The following FMN1 variants were observed in gnomAD, a reference collection of about 807,000 sequenced individuals.
FMN1 encodes the protein formin 1.
Under a neutral mutation model 132.4 loss-of-function variants are expected in FMN1, and 110 were observed. The ratio of observed to expected loss-of-function variants is 0.83; its 90% CI spans 0.71 to 0.97. The LOEUF is 0.97. Among genes scored for constraint, FMN1 ranks in the 50% least tolerant of loss-of-function variants. The probability of loss-of-function intolerance (pLI) is 0.00; values close to 1 mark genes in which losing one functional copy is unlikely to be tolerated. For synonymous variants in FMN1, 722 were observed against 651.7 expected (o/e 1.11, Z -1.64); for missense variants, 1,792 against 1,705.3 (o/e 1.05, Z -0.90).
At chr15:32,835,670 T>C (rs964986339) in intron 17 of FMN1, among the ~76,000 whole-genome samples, 4 of 152,160 alleles carry the variant, frequency 2.6e-5, no homozygotes, top group African/African-American at 9.7e-5. Flanking sequence ...GTTGACAACC[T>C]TTCCTTCTTA....
intron 6 of FMN1, among the ~76,000 whole-genome samples, chr15:33,008,734 A>G (rs146655944): frequency 5.9e-4 from 90 of 152,260 alleles, no homozygotes; most frequent in African/African-American, 2.0e-3. Flanking sequence ...AACCACTAAA[A>G]CTATCATTCT....
At chr15:32,883,884 C>T (rs1020549085) in intron 16 of FMN1, among the ~76,000 whole-genome samples, 2 of 152,048 alleles carry the variant, frequency 1.3e-5, no homozygotes, top group Admixed American at 6.6e-5. Context: ...GCTTTGAATC[C>T]CTAGGATATG....
At chr15:32,862,704 C>T (rs1360760288) in intron 16 of FMN1, among the ~76,000 whole-genome samples, 6 of 152,154 alleles carry the variant, frequency 3.9e-5, no homozygotes, top group East Asian at 1.9e-4. Context: ...AAATCAAATA[C>T]GTTTAATTGC....
Position 33,153,325 on chromosome 15 carries a change from G to C in FMN1, c.1590C>G (p.Ser530Arg). The change falls in exon 4 of 21, where the codon AGC becomes AGG. Residue 530 changes from serine (S) to arginine (R), a missense_variant. Around this residue, in one of 3 missense-constraint regions of FMN1, gnomAD observed 4 missense variants for 17.0 expected, o/e 0.24. Transcript: ENST00000616417. ...VPSPLSPRLP[S>R]PQQHHRILRL... ...GGAGGATCCTGTGATGCTGCTGAGG[G>C]CTGGGGAGCCTTGGAGACAGAGGCG... is the stretch of plus-strand genomic sequence containing the variant. 1 of 1,536,384 alleles carries C rather than the reference G, an allele frequency of 6.5e-7. No individual in the cohort carries two copies. Among genetic ancestry groups the C allele is most frequent in the Non-Finnish European group, 8.7e-7 (1 of 1,146,946 alleles).
chr15:32,774,860 T>A (rs547582479), intron 20 of FMN1, among the ~76,000 whole-genome samples: 1 of 152,202 alleles, frequency 6.6e-6, no homozygotes, highest in Non-Finnish European at 1.5e-5. Flanking sequence ...CGATTTGCCA[T>A]GGATGTTATG....
At chr15:32,889,575 C>T (rs148447247) in intron 15 of FMN1, among the ~76,000 whole-genome samples, 1 of 152,310 alleles carries the variant, frequency 6.6e-6, no homozygotes, top group East Asian at 1.9e-4. Context: ...CAATCTCTTG[C>T]TTCTAGGCCT....
At chr15:32,949,599 A>T (rs937728864) in intron 9 of FMN1, among the ~76,000 whole-genome samples, 18 of 151,960 alleles carry the variant, frequency 1.2e-4, no homozygotes, top group Non-Finnish European at 2.2e-4. Context: ...AACTATAAAA[A>T]CTCTAGAAGA....
chr15:32,999,675 G>A (rs112066797), intron 7 of FMN1, among the ~76,000 whole-genome samples: 28 of 152,248 alleles, frequency 1.8e-4, no homozygotes, highest in African/African-American at 6.7e-4. Flanking sequence ...AAAGATTCCC[G>A]TAAAGGAAAT....
At chr15:32,907,506 T>C (rs140326977) in intron 12 of FMN1, among the ~76,000 whole-genome samples, 10,576 of 152,018 alleles carry the variant, frequency 0.07, 573 homozygotes, top group Middle Eastern at 0.15. Flanking sequence ...GCCTGGTTCC[T>C]AACAGGCCAT....
chr15:33,117,095 T>C (rs917861590), intron 4 of FMN1, among the ~76,000 whole-genome samples: 5 of 152,052 alleles, frequency 3.3e-5, no homozygotes, highest in Admixed American at 3.3e-4. Context: ...TAGCCTCAGA[T>C]CCAGGTAAAT....
chr15:32,906,732 G>A (rs1439574943), intron 12 of FMN1, among the ~76,000 whole-genome samples: 1 of 152,162 alleles, frequency 6.6e-6, no homozygotes, highest in East Asian at 1.9e-4. Context: ...GTTATAATAG[G>A]AAATATGACT....
At chr15:32,949,321 C>G (rs546324532) in intron 9 of FMN1, among the ~76,000 whole-genome samples, 107 of 152,200 alleles carry the variant, frequency 7.0e-4, no homozygotes, top group African/African-American at 2.5e-3. Context: ...ACCAAAAGAG[C>G]ATGGTACTAA....
At chr15:32,819,214 C>T (rs888988373) in intron 17 of FMN1, among the ~76,000 whole-genome samples, 2 of 142,624 alleles carry the variant, frequency 1.4e-5, no homozygotes, top group African/African-American at 4.9e-5. Flanking sequence ...ATCCATGCAA[C>T]CCCCTTCCCC....
intron 9 of FMN1, among the ~76,000 whole-genome samples, chr15:32,936,653 T>A (rs1420730124): frequency 5.6e-5 from 7 of 125,640 alleles, no homozygotes; most frequent in South Asian, 2.6e-4. Flanking sequence ...GGAGGGGGAG[T>A]GGGAGGAAGA....
At chr15:32,913,833 T>C (rs1461471824) in intron 10 of FMN1, among the ~76,000 whole-genome samples, 2 of 152,190 alleles carry the variant, frequency 1.3e-5, no homozygotes, top group East Asian at 1.9e-4. Context: ...ACATAGATGT[T>C]TGTGGGTATA....
chr15:33,030,540 C>G (rs1264823186), intron 6 of FMN1, among the ~76,000 whole-genome samples: 1 of 152,206 alleles, frequency 6.6e-6, no homozygotes, highest in Non-Finnish European at 1.5e-5. Flanking sequence ...ACATTAGGAT[C>G]TGGTTTCAGT....
At chr15:32,878,204 C>G (rs531175561) in intron 16 of FMN1, among the ~76,000 whole-genome samples, 33 of 152,234 alleles carry the variant, frequency 2.2e-4, no homozygotes, top group Admixed American at 1.1e-3. Context: ...ACAAGTACAT[C>G]GTGTTGGAAC....
intron 16 of FMN1, among the ~76,000 whole-genome samples, chr15:32,881,168 A>G (rs1055118257): frequency 1.3e-5 from 2 of 152,190 alleles, no homozygotes; most frequent in African/African-American, 4.8e-5. Context: ...TAGGCCTTTT[A>G]AAATTAGGAA....
intron 17 of FMN1, among the ~76,000 whole-genome samples, chr15:32,850,468 G>T (rs1322649898): frequency 2.0e-5 from 3 of 152,072 alleles, no homozygotes; most frequent in Admixed American, 2.0e-4. Context: ...ATGTATTATC[G>T]ACCAAAAATG....
Sources: gnomAD v4.1 joint callset for allele counts (sites outside exome capture counted in the v4.1 genomes callset) on GRCh38, gnomAD v4.1.1 for gene constraint, gnomAD v4.1.1 regional missense constraint, MANE v1.5 for transcripts, NCBI Gene and HGNC (gene_info 2026-07-23, HGNC 2026-07-21) for gene names.